LRRC52: variants seen among roughly 807,000 people sequenced by gnomAD.
LRRC52 encodes leucine-rich repeat-containing protein 52.
In LRRC52, 15 loss-of-function variants were observed where a neutral mutation model predicts 14.7. That is an observed-to-expected ratio of 1.02 (90% CI 0.68 to 1.58). The LOEUF (loss-of-function observed/expected upper bound fraction) is 1.58. Ranked by LOEUF, LRRC52 falls within the 40% of genes most tolerant of loss-of-function variation. The probability of loss-of-function intolerance (pLI) is 0.00; values close to 1 mark genes in which losing one functional copy is unlikely to be tolerated. For synonymous variants in LRRC52, 180 were observed against 163.9 expected, an observed-to-expected ratio of 1.10 and a Z score of -0.75; for missense variants, 400 against 387.7, an observed-to-expected ratio of 1.03 and a Z score of -0.27.
intron 1 of LRRC52, among the ~76,000 whole-genome samples, chr1:165,548,765 A>T (rs1227487203): frequency 6.6e-6 from 1 of 152,224 alleles, no homozygotes; most frequent in African/African-American, 2.4e-5. Context: ...ATGAAATGAG[A>T]ACATTTATGA....
intron 1 of LRRC52, 69 bp from the exon 2 acceptor site, chr1:165,563,436 C>T (rs1282428287): frequency 7.1e-7 from 1 of 1,400,478 alleles, no homozygotes; most frequent in African/African-American, 1.4e-5. Context: ...CCCTCCTGAT[C>T]CCCTTTGGCC....
rs138107763 is a variant in LRRC52, at chr1:165,544,698, C to G, written c.402C>G (p.Asn134Lys). 2,134 of 1,614,130 alleles carry G rather than the reference C, an allele frequency of 1.3e-3. 4 individuals carry two copies. Among genetic ancestry groups the G allele is most frequent in the South Asian group, 2.0e-3 (184 of 91,052 alleles). The change falls in exon 1 of 2, where the codon AAC (asparagine) becomes AAG (lysine). Residue 134 changes from asparagine to lysine, a missense_variant. Asn to Lys is a moderately conservative substitution (Grantham distance 94, BLOSUM62 0). Coordinates refer to ENST00000294818, the MANE Select transcript of LRRC52 (RefSeq NM_001005214.4). ...LSNLVQLNIANNPHLLSLHKF... is the reference protein window; with the variant it reads ...LSNLVQLNIAKNPHLLSLHKF... ...ACCTGGTGCAGCTGAACATTGCCAA[C>G]AACCCTCACCTGTTATCGCTTCACA...
At chr1:165,545,010 T>C in intron 1 of LRRC52, 92 bp downstream of exon 1, 1 of 1,508,688 alleles carries the variant, frequency 6.6e-7, no homozygotes, top group Non-Finnish European at 9.0e-7. Context: ...GGAGAAAAAG[T>C]TGGGTGAAGC....
At chr1:165,558,137 T>G (rs1389258823) in intron 1 of LRRC52, among the ~76,000 whole-genome samples, 1 of 152,262 alleles carries the variant, frequency 6.6e-6, no homozygotes. Context: ...AGTTCTTCCA[T>G]GCATCTGATT....
intron 1 of LRRC52, 91 bp from the exon 2 acceptor site, chr1:165,563,414 G>T: frequency 5.4e-6 from 6 of 1,104,172 alleles, no homozygotes; most frequent in Non-Finnish European, 6.5e-6. Flanking sequence ...GAGCACTGAG[G>T]GTGCAGATGG....
At chr1:165,544,945 G>GAGGA (rs1660988632) in intron 1 of LRRC52, 27 bp downstream of exon 1, 12 of 1,606,484 alleles carry the variant, frequency 7.5e-6, no homozygotes, top group Non-Finnish European at 9.4e-6. Context: ...GTGTGGGGAA[G>GAGGA]AGGATGTGAT....
intron 1 of LRRC52, among the ~76,000 whole-genome samples, chr1:165,557,019 A>T (rs1388062031): frequency 1.3e-5 from 2 of 152,274 alleles, no homozygotes; most frequent in East Asian, 3.9e-4. Context: ...TCAGACCAAT[A>T]ATCCACCCTT....
intron 1 of LRRC52, among the ~76,000 whole-genome samples, chr1:165,553,197 T>C (rs1008336702): frequency 6.6e-6 from 1 of 152,114 alleles, no homozygotes. Flanking sequence ...GAATGCAACA[T>C]ACTAAAGGGT....
intron 1 of LRRC52, among the ~76,000 whole-genome samples, chr1:165,553,192 C>A (rs1192281286): frequency 6.6e-6 from 1 of 152,172 alleles, no homozygotes; most frequent in Non-Finnish European, 1.5e-5. Context: ...TTGGGGAATG[C>A]AACATACTAA....
chr1:165,555,876 G>A (rs1046025462), intron 1 of LRRC52, among the ~76,000 whole-genome samples: 4 of 152,228 alleles, frequency 2.6e-5, no homozygotes, highest in African/African-American at 7.2e-5. Context: ...TCTGCTCTCT[G>A]GATTTTTCTG....
Position 165,563,929 on chromosome 1 carries a change from A to G in LRRC52, c.*105A>G, listed in dbSNP as rs1661402773. The G allele has an allele frequency of 1.6e-6, 2 of 1,222,954 alleles. No homozygotes were observed. The allele number at this position is 1,222,954 out of a possible 1,614,324, so 75.8% of individuals were successfully genotyped here. On this transcript the variant is annotated 3_prime_UTR_variant, in exon 2 of 2. Coordinates refer to ENST00000294818, the MANE Select transcript of LRRC52 (RefSeq NM_001005214.4). ...GCTGTCATAGAGATTGAAACCTTCT[A>G]GTAAAATAAATAAAATCTCTGATGG...
intron 1 of LRRC52, among the ~76,000 whole-genome samples, chr1:165,548,038 T>G (rs1661057324): frequency 6.6e-6 from 1 of 152,266 alleles, no homozygotes; most frequent in South Asian, 2.1e-4. Context: ...AATGGTGATC[T>G]TTGACATATT....
At chr1:165,552,638 G>A (rs1661157000) in intron 1 of LRRC52, among the ~76,000 whole-genome samples, 1 of 152,200 alleles carries the variant, frequency 6.6e-6, no homozygotes, top group African/African-American at 2.4e-5. Flanking sequence ...AACAGGATTT[G>A]GGACTGAACT....
rs1660979576 is a variant in LRRC52 at position 165,544,667 on chromosome 1, T to C, written c.371T>C (p.Leu124Pro). The change falls in exon 1 of 2, where the codon CTC becomes CCC. Residue 124 changes from leucine (L) to proline (P), a missense_variant. Leu to Pro is a moderately conservative substitution (Grantham distance 98, BLOSUM62 -3). Transcript: ENST00000294818. ...ATCTCCCCATTCACTTTCTCGGTGC[T>C]CAGCAACCTGGTGCAGCTGAACATT... Reference protein sequence around the residue: ...TSISPFTFSVLSNLVQLNIAN... With the variant: ...TSISPFTFSVPSNLVQLNIAN... 6.2e-7 allele frequency: 1 copy of C among 1,614,104 alleles called. No individual in the cohort carries two copies.
Position 165,545,064 on chromosome 1 carries a change from T to C in LRRC52, c.622+146T>C, listed in dbSNP as rs575843103. The C allele has an allele frequency of 4.4e-5, 45 of 1,024,282 alleles. 1 individual carries two copies. In the South Asian group the frequency reaches 6.7e-4, roughly 15 times the overall value. The allele number at this position is 1,024,282 out of a possible 1,614,324, so 63.4% of individuals were successfully genotyped here. On this transcript the variant is annotated intron_variant, in intron 1 of 1. Transcript: ENST00000294818. ...TTACTCTGCAGGGCCCACCCTTGGGTTGACTGGAGTAGCAGTAAGAAAAAG... is the reference window on the plus strand; with the variant it reads ...TTACTCTGCAGGGCCCACCCTTGGGCTGACTGGAGTAGCAGTAAGAAAAAG...
chr1:165,563,629 G>A lies in LRRC52; in HGVS notation c.747G>A (p.Leu249=), dbSNP rs779205045. ...ACCACAAAGACTACATCTTCCTGCT[G>A]CTCATCGGCTTCTGCATCTTCGCCG... is the stretch of plus-strand genomic sequence containing the variant. ...HLDHKDYIFL[L]LIGFCIFAAG... The change falls in exon 2 of 2, where the codon CTG becomes CTA. Residue 249 remains leucine (L), a synonymous_variant. Coordinates refer to ENST00000294818, the MANE Select transcript of LRRC52 (RefSeq NM_001005214.4). 6.2e-7 allele frequency: 1 copy of A among 1,614,240 alleles called. No homozygotes were observed. The highest frequency in any genetic ancestry group is 1.1e-5 in the South Asian group (1 of 91,088).
chr1:165,561,308 A>AC (rs1661336494), intron 1 of LRRC52, among the ~76,000 whole-genome samples: 1 of 151,324 alleles, frequency 6.6e-6, no homozygotes, highest in African/African-American at 2.4e-5. Flanking sequence ...AATGAGATAA[A>AC]CCCCCCTAGA....
At chr1:165,554,357 G>T (rs1013489152) in intron 1 of LRRC52, among the ~76,000 whole-genome samples, 1 of 152,118 alleles carries the variant, frequency 6.6e-6, no homozygotes, top group African/African-American at 2.4e-5. Flanking sequence ...TGAGGGGGAC[G>T]TTAAAGCTTC....
intron 1 of LRRC52, among the ~76,000 whole-genome samples, chr1:165,558,241 G>A (rs775303827): frequency 3.3e-5 from 5 of 152,188 alleles, no homozygotes; most frequent in Non-Finnish European, 5.9e-5. Context: ...TTTGCAATAA[G>A]AAGTTCAATA....
Sources: allele counts gnomAD v4.1 joint callset (sites outside exome capture counted in the v4.1 genomes callset), GRCh38; gene constraint gnomAD v4.1.1; transcripts MANE v1.5; gene names NCBI Gene and HGNC (gene_info 2026-07-23, HGNC 2026-07-21).